Variants in MAPK3 observed in about 807,000 individuals in gnomAD.
The protein encoded by MAPK3 is MAPK 1.
MAPK3 carries 30 observed loss-of-function variants against 41.8 expected under a neutral mutation model. That is an observed-to-expected ratio of 0.72 (90% CI 0.54 to 0.97). The LOEUF (loss-of-function observed/expected upper bound fraction) is 0.97. Among genes scored for constraint, MAPK3 ranks in the 50% least tolerant of loss-of-function variants. The pLI, the probability that MAPK3 is intolerant of heterozygous loss-of-function variation, is 0.00. For synonymous variants in MAPK3, 222 were observed against 213.4 expected (o/e 1.04, Z -0.35); for missense variants, 413 against 509.9 (o/e 0.81, Z 1.83).
chr16:30,115,255 A>C (rs2072944026), intron 8 of MAPK3, among the ~76,000 whole-genome samples: 1 of 151,840 alleles, frequency 6.6e-6, no homozygotes, highest in Non-Finnish European at 1.5e-5. Flanking sequence ...AAATAGATTG[A>C]CTCCGGAAAC....
Position 30,116,700 on chromosome 16 carries a change from G to C in MAPK3, c.1108C>G (p.Arg370Gly). The change falls in exon 8 of 9, where the codon CGC (arginine) becomes GGC (glycine). Residue 370 changes from arginine (R) to glycine (G), a missense_variant. By Grantham distance (125) the Arg-to-Gly change is moderately radical. Around this residue, in one of 4 missense-constraint regions of MAPK3, gnomAD observed 123 missense variants for 147.8 expected, o/e 0.83. Coordinates refer to ENST00000263025, the MANE Select transcript of MAPK3 (RefSeq NM_002746.3). ...LKELIFQETA[R>G]FQPGVLEAP is the part of the protein sequence containing the mutation. ...GCCTCCAGCACTCCGGGCTGGAAGC[G>C]TGCTGTCTCCTGGAAGATGAGCTCC... 1.2e-6 allele frequency: 2 copies of C among 1,613,802 alleles called. No homozygotes were observed. The highest frequency in any genetic ancestry group is 1.7e-6 in the Non-Finnish European group (2 of 1,180,024).
At chr16:30,119,567 G>C (rs1340157647) in intron 2 of MAPK3, among the ~76,000 whole-genome samples, 1 of 152,158 alleles carries the variant, frequency 6.6e-6, no homozygotes, top group East Asian at 1.9e-4. Context: ...TAATATGAAT[G>C]CCTGAGTCAC....
At chr16:30,121,463 GGAAA>G (rs1329133801) in intron 2 of MAPK3, among the ~76,000 whole-genome samples, 5 of 152,204 alleles carry the variant, frequency 3.3e-5, no homozygotes, top group African/African-American at 1.2e-4. Context: ...AGGAAAGAGA[GGAAA>G]GAATCATCCA....
At chr16:30,115,143 A>G (rs947200468) in intron 8 of MAPK3, among the ~76,000 whole-genome samples, 1 of 152,004 alleles carries the variant, frequency 6.6e-6, no homozygotes, top group Non-Finnish European at 1.5e-5. Context: ...CCTTGCACCC[A>G]GGAGTTTTGA....
intron 2 of MAPK3, among the ~76,000 whole-genome samples, chr16:30,120,217 G>A (rs182189266): frequency 3.8e-4 from 58 of 152,284 alleles, no homozygotes; most frequent in Non-Finnish European, 5.3e-4. Flanking sequence ...CCTTGAAAGG[G>A]TCTTCAGAGA....
At position 30,117,752 on chromosome 16, in the gene MAPK3, C is replaced by T. The variant is rs180694536; in HGVS notation, c.693G>A (p.Val231=). Residue 231 remains valine (V), a synonymous_variant, in exon 5 of 9, where the codon GTG becomes GTA. Transcript: ENST00000263025. ...AGAGCATCTCAGCCAGAATGCAGCC[C>T]ACAGACCAGATGTCGATGGACTTGG... ...GYTKSIDIWS[V]GCILAEMLSN... 1.2e-6 allele frequency: 2 copies of T among 1,614,064 alleles called. No individual in the cohort carries two copies. The highest frequency in any genetic ancestry group is 1.7e-5 in the Admixed American group (1 of 60,006).
Position 30,117,008 on chromosome 16 carries a change from G to A in MAPK3, c.908-5C>T, listed in dbSNP as rs1319809172. ...TCCGGTCCAGCAGGTCAAGGGCTAT[G>A]GAAGGGCAGGAGTCAGGGGTCACAG... On this transcript the variant is annotated splice_polypyrimidine_tract_variant and splice_region_variant and intron_variant, in intron 6 of 8. Coordinates refer to ENST00000263025, the MANE Select transcript of MAPK3 (RefSeq NM_002746.3). The A allele has an allele frequency of 1.3e-6, 2 of 1,598,468 alleles. No homozygotes were observed. The highest frequency in any genetic ancestry group is 2.7e-5 in the African/African-American group (2 of 74,694).
chr16:30,122,989 C>T (rs1417278104), intron 1 of MAPK3, 51 bp downstream of exon 1: 5 of 1,384,508 alleles, frequency 3.6e-6, no homozygotes, highest in South Asian at 3.1e-5. Flanking sequence ...CCTCCTCTCC[C>T]GCGAAGCCCC....
Position 30,118,123 on chromosome 16 carries a change from T to A in MAPK3, c.584A>T (p.His195Leu), listed in dbSNP as rs758366759. 3 of 1,614,152 alleles carry A rather than the reference T, an allele frequency of 1.9e-6. No homozygotes were observed. The highest frequency in any genetic ancestry group is 1.7e-6 in the Non-Finnish European group (2 of 1,180,024). ...FGLARIADPE[H>L]DHTGFLTEYV... ...CTCCGTCAGGAAGCCGGTGTGGTCA[T>A]GCTCAGGATCGGCAATCCGGGCCAG... Residue 195 changes from histidine to leucine, a missense_variant, in exon 4 of 9, where the codon CAT becomes CTT. Transcript: ENST00000263025.
chr16:30,119,743 C>T (rs1421896572), intron 2 of MAPK3, among the ~76,000 whole-genome samples: 1 of 152,212 alleles, frequency 6.6e-6, no homozygotes, highest in African/African-American at 2.4e-5. Context: ...CTTGGCCATA[C>T]CTCAGAAGAT....
At chr16:30,115,628 T>A (rs1325827372) in intron 8 of MAPK3, 1 of 152,256 alleles carries the variant, frequency 6.6e-6, no homozygotes, top group Non-Finnish European at 1.5e-5. Flanking sequence ...ACCTCTTGCC[T>A]CTTTGCCAGT....
At chr16:30,117,080 C>T in intron 6 of MAPK3, 74 bp downstream of exon 6, 1 of 1,601,680 alleles carries the variant, frequency 6.2e-7, no homozygotes, top group South Asian at 1.1e-5. Context: ...CTGTCTCCTC[C>T]AGCGGCTGCT....
At chr16:30,115,821 T>A (rs1174985272) in intron 8 of MAPK3, 1 of 150,718 alleles carries the variant, frequency 6.6e-6, no homozygotes, top group Non-Finnish European at 1.5e-5. Context: ...AGTGGTGCGA[T>A]CTCGGCTCAC....
Position 30,118,030 on chromosome 16 carries a change from T to C in MAPK3, c.660+17A>G, listed in dbSNP as rs562653065. ...GGAACTGGTCCGTTCCTTTCAGGAG[T>C]GGGCAGCCCCTCCTACCTTGGAGTT... On this transcript the variant is annotated intron_variant, in intron 4 of 8. Coordinates refer to ENST00000263025, the MANE Select transcript of MAPK3 (RefSeq NM_002746.3). 3.7e-6 allele frequency: 6 copies of C among 1,601,030 alleles called. No individual in the cohort carries two copies. In the Admixed American group the frequency reaches 8.3e-5, roughly 22 times the overall value.
intron 2 of MAPK3, 109 bp from the exon 3 acceptor site, chr16:30,118,647 T>A: frequency 1.2e-6 from 1 of 831,992 alleles, no homozygotes; most frequent in East Asian, 2.7e-5. Context: ...CCAGGGCCCC[T>A]GGGACTCAAT....
At position 30,123,189 on chromosome 16, in the gene MAPK3, C is replaced by T. The variant is rs2073036916; in HGVS notation, c.21G>A (p.Gln7=). The change falls in exon 1 of 9, where the codon CAG becomes CAA. Residue 7 remains glutamine (Q), a synonymous_variant. Coordinates refer to ENST00000263025, the MANE Select transcript of MAPK3 (RefSeq NM_002746.3). ...TACGGGGCTCCCCGCCCCCGCCCCC[C>T]TGAGCCGCCGCCGCCGCCATCTCCA... MAAAAA[Q]GGGGGEPRRT... is the part of the protein sequence containing the mutation. 6.9e-6 allele frequency: 9 copies of T among 1,312,048 alleles called. No homozygotes were observed. The highest frequency in any genetic ancestry group is 3.1e-5 in the East Asian group (1 of 32,172). The allele number at this position is 1,312,048 out of a possible 1,614,324, so 81.3% of individuals were successfully genotyped here.
chr16:30,117,609 C>T (rs929073243), intron 5 of MAPK3, 61 bp downstream of exon 5: 24 of 1,356,284 alleles, frequency 1.8e-5, no homozygotes, highest in Middle Eastern at 1.8e-4. Flanking sequence ...CTTGGACTCT[C>T]GAGAAATCTC....
Position 30,116,197 on chromosome 16 carries a change from G to A in MAPK3, c.*32+439C>T, listed in dbSNP as rs572572979. Among the ~76,000 whole-genome samples, 6 of 151,036 alleles carry A rather than the reference G, an allele frequency of 4.0e-5. No individual in the cohort carries two copies. In the South Asian group the frequency reaches 1.3e-3, roughly 32 times the overall value. ...CTAGAAGCGCATGCCTACGTGCCCG[G>A]CTAATTTTTGTATTTTTAGTAGAGA... On this transcript the variant is annotated intron_variant, in intron 8 of 8. Transcript: ENST00000263025.
chr16:30,119,544 G>A (rs1413947101), intron 2 of MAPK3, among the ~76,000 whole-genome samples: 1 of 152,186 alleles, frequency 6.6e-6, no homozygotes, highest in Non-Finnish European at 1.5e-5. Flanking sequence ...AGGCAAACAT[G>A]AACTATTATT....
Sources: allele counts gnomAD v4.1 joint callset (sites outside exome capture counted in the v4.1 genomes callset), GRCh38; gene constraint gnomAD v4.1.1; regional missense constraint gnomAD v4.1.1; transcripts MANE v1.5; gene names NCBI Gene and HGNC (gene_info 2026-07-23, HGNC 2026-07-21).